Variants in ANO10 observed in about 807,000 individuals in gnomAD.
ANO10 encodes the protein anoctamin-10.
Under a neutral mutation model 74.7 loss-of-function variants are expected in ANO10, and 77 were observed. That is an observed-to-expected ratio of 1.03 (90% CI 0.86 to 1.25). The LOEUF (loss-of-function observed/expected upper bound fraction) is 1.25. Ranked by LOEUF, ANO10 falls within the 50% of genes most tolerant of loss-of-function variation. ANO10 has a pLI of 0.00. For missense variants in ANO10, 721 were observed against 778.1 expected (o/e 0.93, Z 0.87); for synonymous variants, 279 against 284.9 (o/e 0.98, Z 0.21).
At chr3:43,377,621 C>A (rs1403617927) in intron 12 of ANO10, among the ~76,000 whole-genome samples, 2 of 152,194 alleles carry the variant, frequency 1.3e-5, no homozygotes, top group African/African-American at 4.8e-5. Flanking sequence ...GACCATCTAG[C>A]CAGCCCTCAT....
chr3:43,663,528 A>G (rs977090815), intron 1 of ANO10, among the ~76,000 whole-genome samples: 3 of 152,202 alleles, frequency 2.0e-5, no homozygotes, highest in Admixed American at 6.5e-5. Context: ...ATAGTATTGG[A>G]AGTTCTGGCC....
At chr3:43,410,028 T>C (rs138064559) in intron 12 of ANO10, among the ~76,000 whole-genome samples, 24 of 152,298 alleles carry the variant, frequency 1.6e-4, no homozygotes, top group East Asian at 7.7e-4. Context: ...GTTGGGACTG[T>C]TTCTTCCCAC....
intron 11 of ANO10, among the ~76,000 whole-genome samples, chr3:43,522,085 A>G (rs2077982466): frequency 6.6e-6 from 1 of 152,202 alleles, no homozygotes; most frequent in African/African-American, 2.4e-5. Flanking sequence ...TGAAATGTCT[A>G]GAACAGGCAA....
intron 5 of ANO10, among the ~76,000 whole-genome samples, chr3:43,577,608 G>A (rs1469505221): frequency 6.6e-6 from 1 of 152,168 alleles, no homozygotes; most frequent in Non-Finnish European, 1.5e-5. Flanking sequence ...GTTCAGCCAT[G>A]TCCACTGAAC....
intron 11 of ANO10, among the ~76,000 whole-genome samples, chr3:43,539,184 C>T (rs2078847144): frequency 6.6e-6 from 1 of 152,056 alleles, no homozygotes; most frequent in African/African-American, 2.4e-5. Flanking sequence ...CCCCACATTC[C>T]ACTTTTTCAA....
intron 11 of ANO10, among the ~76,000 whole-genome samples, chr3:43,519,088 ATT>A (rs1296577604): frequency 3.3e-5 from 5 of 151,998 alleles, no homozygotes; most frequent in Non-Finnish European, 7.4e-5. Context: ...CAGCTTTAAA[ATT>A]TCTCTCTTTT....
At chr3:43,635,324 C>T (rs752150526) in intron 1 of ANO10, among the ~76,000 whole-genome samples, 45 of 152,148 alleles carry the variant, frequency 3.0e-4, no homozygotes, top group African/African-American at 4.8e-4. Flanking sequence ...AAATGCTAAT[C>T]GTCTGAACTC....
At chr3:43,668,445 T>A (rs2084018532) in intron 1 of ANO10, among the ~76,000 whole-genome samples, 1 of 152,162 alleles carries the variant, frequency 6.6e-6, no homozygotes, top group Non-Finnish European at 1.5e-5. Context: ...TTCCATTTTT[T>A]AATTTTTGTT....
intron 11 of ANO10, among the ~76,000 whole-genome samples, chr3:43,476,344 A>G (rs949007010): frequency 1.3e-5 from 2 of 152,170 alleles, no homozygotes; most frequent in Non-Finnish European, 2.9e-5. Flanking sequence ...ATGTTACTGA[A>G]TCCTAAGGTA....
intron 10 of ANO10, among the ~76,000 whole-genome samples, chr3:43,553,463 C>A (rs1192588278): frequency 1.3e-5 from 2 of 152,014 alleles, no homozygotes; most frequent in Non-Finnish European, 2.9e-5. Flanking sequence ...CTTTTTTATA[C>A]CCCCACAGGT....
intron 11 of ANO10, among the ~76,000 whole-genome samples, chr3:43,445,079 C>T (rs1415505322): frequency 7.0e-6 from 1 of 142,874 alleles, no homozygotes; most frequent in East Asian, 2.1e-4. Flanking sequence ...GCTGAGATTG[C>T]ACCACTGCAC....
At chr3:43,499,900 C>T (rs1575273496) in intron 11 of ANO10, among the ~76,000 whole-genome samples, 1 of 151,526 alleles carries the variant, frequency 6.6e-6, no homozygotes, top group African/African-American at 2.4e-5. Context: ...GGCGTGACCT[C>T]GGCTCACTGC....
rs75476904 is a variant in ANO10, at chr3:43,686,822, G to C, written c.-12+4695C>G. On this transcript the variant is annotated intron_variant, in intron 1 of 3. Coordinates refer to the ANO10 transcript ENST00000413397. ...TGTTCTAACAGACAGGGTTGCTCTAGAGCTCATTACTTAAAGGGTAGTCTG... is the reference window on the plus strand; with the variant it reads ...TGTTCTAACAGACAGGGTTGCTCTACAGCTCATTACTTAAAGGGTAGTCTG... 7.9e-5 allele frequency among the ~76,000 whole-genome samples: 12 copies of C among 152,212 alleles called. No homozygotes were observed. In the East Asian group the frequency reaches 1.9e-3, roughly 25 times the overall value.
intron 4 of ANO10, among the ~76,000 whole-genome samples, chr3:43,584,205 G>A (rs2081375799): frequency 6.6e-6 from 1 of 152,210 alleles, no homozygotes; most frequent in Non-Finnish European, 1.5e-5. Context: ...AATTCTCCAT[G>A]TTGCTTGTCA....
intron 12 of ANO10, among the ~76,000 whole-genome samples, chr3:43,397,486 G>A (rs2092404094): frequency 6.6e-6 from 1 of 152,054 alleles, no homozygotes; most frequent in Admixed American, 6.6e-5. Context: ...ATCCTCTTGG[G>A]TCTTGTTTTT....
At chr3:43,488,980 C>G (rs1364074376) in intron 11 of ANO10, among the ~76,000 whole-genome samples, 1 of 151,454 alleles carries the variant, frequency 6.6e-6, no homozygotes, top group Non-Finnish European at 1.5e-5. Flanking sequence ...CCATGGAATA[C>G]TATGCAGCCA....
At chr3:43,642,083 G>C (rs995545806) in intron 1 of ANO10, among the ~76,000 whole-genome samples, 18 of 152,146 alleles carry the variant, frequency 1.2e-4, no homozygotes, top group African/African-American at 4.3e-4. Context: ...AAGATCAAGG[G>C]GCAAGGTATG....
chr3:43,504,878 A>G lies in ANO10; in HGVS notation c.1797+44842T>C, dbSNP rs377376992. On this transcript the variant is annotated intron_variant, in intron 11 of 12. Transcript: ENST00000292246. ...GCTGGTCTTGAACTCCTGACCTCGTAATCCTCCCACCTCTGCCTCCCAAAC... is the reference window on the plus strand; with the variant it reads ...GCTGGTCTTGAACTCCTGACCTCGTGATCCTCCCACCTCTGCCTCCCAAAC... 8.5e-5 allele frequency among the ~76,000 whole-genome samples: 13 copies of G among 152,130 alleles called. 1 individual carries two copies. Among genetic ancestry groups the G allele is most frequent in the East Asian group, 7.7e-4 (4 of 5,162 alleles).
intron 12 of ANO10, among the ~76,000 whole-genome samples, chr3:43,399,752 C>G (rs896025882): frequency 2.6e-5 from 4 of 152,128 alleles, no homozygotes; most frequent in African/African-American, 9.7e-5. Flanking sequence ...TCATGAAGAC[C>G]CACATCAGAA....
Sources: allele counts gnomAD v4.1 joint callset (sites outside exome capture counted in the v4.1 genomes callset), GRCh38; gene constraint gnomAD v4.1.1; transcripts MANE v1.5; gene names NCBI Gene and HGNC (gene_info 2026-07-23, HGNC 2026-07-21).